Variants in RASEF observed in about 807,000 individuals in gnomAD.
The protein encoded by RASEF is RAS and EF-hand domain containing, also known as ras and EF-hand domain-containing protein.
Under a neutral mutation model 90.1 loss-of-function variants are expected in RASEF, and 68 were observed. The ratio of observed to expected loss-of-function variants is 0.75; its 90% CI spans 0.62 to 0.92. The LOEUF (loss-of-function observed/expected upper bound fraction) is 0.92. Among genes scored for constraint, RASEF ranks in the 40% least tolerant of loss-of-function variants. The pLI, the probability that RASEF is intolerant of heterozygous loss-of-function variation, is 0.00. For synonymous variants in RASEF, 331 were observed against 345.2 expected, an observed-to-expected ratio of 0.96 and a Z score of 0.46; for missense variants, 949 against 937.2, an observed-to-expected ratio of 1.01 and a Z score of -0.16.
chr9:83,017,243 TG>T (rs796079504), intron 3 of RASEF, among the ~76,000 whole-genome samples: 23 of 150,474 alleles, frequency 1.5e-4, no homozygotes, highest in African/African-American at 5.4e-4. Flanking sequence ...CCCAACACTC[TG>T]GGAGGCCGAG....
the RASEF span, among the ~76,000 whole-genome samples, chr9:83,193,091 C>T: frequency 3.6e-4 from 55 of 152,292 alleles, no homozygotes; most frequent in South Asian, 1.7e-3. Context: ...TTTGCCTCTG[C>T]GAATGAAGCG....
the RASEF span, among the ~76,000 whole-genome samples, chr9:83,155,862 C>T: frequency 1.1e-4 from 17 of 152,296 alleles, no homozygotes; most frequent in South Asian, 2.3e-3. Context: ...CAGCAGTCAA[C>T]TGCCAGCATG....
chr9:83,090,113 C>T, the RASEF span, among the ~76,000 whole-genome samples: 18 of 152,278 alleles, frequency 1.2e-4, no homozygotes, highest in African/African-American at 4.1e-4. Context: ...CTTCTGCATG[C>T]TCAAATATGC....
the RASEF span, among the ~76,000 whole-genome samples, chr9:83,123,486 T>G: frequency 1.3e-5 from 2 of 152,172 alleles, no homozygotes; most frequent in Admixed American, 1.3e-4. Flanking sequence ...TATAGCACCC[T>G]TCCCTGGTTA....
At chr9:83,189,556 G>A in the RASEF span, among the ~76,000 whole-genome samples, 2 of 152,260 alleles carry the variant, frequency 1.3e-5, no homozygotes, top group African/African-American at 4.8e-5. Flanking sequence ...TCTAAACCAT[G>A]TATTCTTTGA....
the RASEF span, among the ~76,000 whole-genome samples, chr9:83,084,918 CTTA>C: frequency 9.2e-5 from 14 of 152,048 alleles, no homozygotes; most frequent in African/African-American, 3.1e-4. Flanking sequence ...TTGTTTTGAA[CTTA>C]TTATATATTT....
the RASEF span, among the ~76,000 whole-genome samples, chr9:83,094,670 A>T: frequency 1.3e-5 from 2 of 152,202 alleles, no homozygotes; most frequent in South Asian, 2.1e-4. Flanking sequence ...GTTTTCTTTT[A>T]AAAAAAATTC....
chr9:83,133,667 C>T, the RASEF span, among the ~76,000 whole-genome samples: 1 of 152,002 alleles, frequency 6.6e-6, no homozygotes, highest in Non-Finnish European at 1.5e-5. Context: ...TAAAAGGACA[C>T]CAAAAATCTC....
chr9:83,053,560 G>T (rs943036424), intron 1 of RASEF, among the ~76,000 whole-genome samples: 1,305 of 124,646 alleles, frequency 0.01, 66 homozygotes, highest in African/African-American at 0.046. Flanking sequence ...AGTTAATATT[G>T]TTATGTGTGA....
chr9:83,029,364 G>A (rs1829602135), intron 1 of RASEF, among the ~76,000 whole-genome samples: 1 of 150,464 alleles, frequency 6.6e-6, no homozygotes, highest in African/African-American at 2.4e-5. Context: ...GTGTGTCCAT[G>A]TGGCTGTAAA....
At chr9:83,025,340 G>A (rs1006098066) in intron 2 of RASEF, among the ~76,000 whole-genome samples, 4 of 152,068 alleles carry the variant, frequency 2.6e-5, no homozygotes, top group African/African-American at 9.7e-5. Context: ...CTTAACACCT[G>A]GAGGACGTGA....
chr9:82,984,638 A>G (rs1373631565), intron 16 of RASEF, among the ~76,000 whole-genome samples: 1 of 152,162 alleles, frequency 6.6e-6, no homozygotes, highest in Admixed American at 6.5e-5. Context: ...ACACAATTCA[A>G]ACCCTAACAC....
intron 1 of RASEF, among the ~76,000 whole-genome samples, chr9:83,061,634 C>A (rs546411600): frequency 6.6e-6 from 1 of 152,158 alleles, no homozygotes; most frequent in African/African-American, 2.4e-5. Flanking sequence ...CCCTCCAGGC[C>A]CTGAAATCCC....
chr9:83,056,808 G>C (rs1830110794), intron 1 of RASEF, among the ~76,000 whole-genome samples: 1 of 152,026 alleles, frequency 6.6e-6, no homozygotes, highest in Non-Finnish European at 1.5e-5. Context: ...TTTTCTTTTT[G>C]CACAAACCAG....
chr9:83,149,831 G>C, the RASEF span, among the ~76,000 whole-genome samples: 1 of 152,132 alleles, frequency 6.6e-6, no homozygotes, highest in Non-Finnish European at 1.5e-5. Context: ...CAAATGTTAG[G>C]GATGGGGGAT....
the RASEF span, among the ~76,000 whole-genome samples, chr9:83,212,337 G>A: frequency 6.6e-6 from 1 of 152,276 alleles, no homozygotes; most frequent in Admixed American, 6.5e-5. Context: ...AGCTGGCTCT[G>A]CATTGTCATA....
upstream of RASEF, among the ~76,000 whole-genome samples, chr9:83,067,403 A>G (rs1277917722): frequency 6.6e-6 from 1 of 152,232 alleles, no homozygotes; most frequent in Admixed American, 6.5e-5. Context: ...ATAGTGATCC[A>G]CTGACCCTTT....
At chr9:83,053,142 G>A (rs1223563197) in intron 1 of RASEF, among the ~76,000 whole-genome samples, 1 of 61,210 alleles carries the variant, frequency 1.6e-5, no homozygotes, top group Non-Finnish European at 2.8e-5. Context: ...TTGACAGTGG[G>A]GTGTTAAAGT....
chr9:82,998,324 G>C (rs1828958478), intron 13 of RASEF, 41 bp downstream of exon 13: 1 of 1,337,634 alleles, frequency 7.5e-7, no homozygotes, highest in South Asian at 1.2e-5. Flanking sequence ...GCTTGTTAAT[G>C]CAAACCCAGG....
Sources: gnomAD v4.1 joint callset for allele counts (sites outside exome capture counted in the v4.1 genomes callset) on GRCh38, gnomAD v4.1.1 for gene constraint, MANE v1.5 for transcripts, NCBI Gene and HGNC (gene_info 2026-07-23, HGNC 2026-07-21) for gene names.